Variants in TESPA1 observed in about 807,000 individuals in gnomAD.
TESPA1 encodes the protein thymocyte expressed, positive selection associated 1.
Under a neutral mutation model 57.9 loss-of-function variants are expected in TESPA1, and 33 were observed. The observed-to-expected ratio is 0.57, with a 90% CI of 0.43 to 0.76. The LOEUF (loss-of-function observed/expected upper bound fraction) is 0.76. TESPA1 is among the 30% of genes least tolerant of loss of function. The pLI, the probability that TESPA1 is intolerant of heterozygous loss-of-function variation, is 0.00. For synonymous variants in TESPA1, 227 were observed against 228.9 expected (o/e 0.99, Z 0.07); for missense variants, 618 against 632.9 (o/e 0.98, Z 0.25).
At chr12:54,969,198 A>G (rs1951668035) in intron 3 of TESPA1, among the ~76,000 whole-genome samples, 1 of 151,474 alleles carries the variant, frequency 6.6e-6, no homozygotes, top group Non-Finnish European at 1.5e-5. Flanking sequence ...ATGAAATAAT[A>G]GGCAAGCTCA....
At chr12:54,965,331 A>G (rs1265538870) in intron 7 of TESPA1, among the ~76,000 whole-genome samples, 3 of 152,040 alleles carry the variant, frequency 2.0e-5, no homozygotes, top group Non-Finnish European at 4.4e-5. Context: ...ATTTTTCCCA[A>G]TGGTCTCCCT....
At chr12:54,970,449 CTCT>C (rs1565862477) in intron 3 of TESPA1, among the ~76,000 whole-genome samples, 1 of 152,154 alleles carries the variant, frequency 6.6e-6, no homozygotes, top group Non-Finnish European at 1.5e-5. Context: ...TCCTACATTT[CTCT>C]TCTTTAGTTA....
intron 3 of TESPA1, among the ~76,000 whole-genome samples, chr12:54,969,517 A>G (rs1951687881): frequency 6.6e-6 from 1 of 152,162 alleles, no homozygotes; most frequent in Admixed American, 6.5e-5. Flanking sequence ...ACATGCCTGC[A>G]TAGGTTCCCC....
intron 3 of TESPA1, among the ~76,000 whole-genome samples, chr12:54,971,662 T>G (rs2136173105): frequency 6.6e-6 from 1 of 152,210 alleles, no homozygotes; most frequent in East Asian, 1.9e-4. Flanking sequence ...CACTCTATTT[T>G]CACACATGTA....
chr12:54,981,800 T>G (rs1036604690), intron 1 of TESPA1: 3 of 152,224 alleles, frequency 2.0e-5, no homozygotes, highest in African/African-American at 7.2e-5. Flanking sequence ...ATGCATGCTT[T>G]CTTCCTTTAT....
At chr12:54,982,986 C>A (rs1483960607) in intron 1 of TESPA1, among the ~76,000 whole-genome samples, 1 of 152,142 alleles carries the variant, frequency 6.6e-6, no homozygotes, top group Admixed American at 6.5e-5. Flanking sequence ...ACTGGAATAT[C>A]CACTTTGGTC....
intron 10 of TESPA1, among the ~76,000 whole-genome samples, chr12:54,953,877 A>T (rs1340584750): frequency 1.3e-5 from 2 of 152,176 alleles, no homozygotes; most frequent in Non-Finnish European, 2.9e-5. Context: ...CCATCTTCTG[A>T]AAGGTTAATT....
chr12:54,983,501 A>G (rs967262135), intron 1 of TESPA1, among the ~76,000 whole-genome samples: 3 of 152,106 alleles, frequency 2.0e-5, no homozygotes, highest in African/African-American at 7.2e-5. Flanking sequence ...ACACAAGTTG[A>G]AGGTTCCTAC....
chr12:54,952,348 C>T (rs1950455230), intron 10 of TESPA1, among the ~76,000 whole-genome samples: 1 of 152,212 alleles, frequency 6.6e-6, no homozygotes, highest in South Asian at 2.1e-4. Context: ...CCAATGAAGA[C>T]ATGAACCTCT....
intron 1 of TESPA1, among the ~76,000 whole-genome samples, chr12:54,978,173 G>C (rs1467928730): frequency 2.0e-5 from 3 of 152,148 alleles, no homozygotes; most frequent in Non-Finnish European, 2.9e-5. Flanking sequence ...TAGAGACAAA[G>C]ATATGGAGAT....
chr12:54,972,742 T>C (rs1398965572), intron 3 of TESPA1, among the ~76,000 whole-genome samples: 2 of 152,232 alleles, frequency 1.3e-5, no homozygotes, highest in East Asian at 1.9e-4. Flanking sequence ...TAAGCAAGAA[T>C]GGGTTTCTTT....
At chr12:54,957,240 T>C (rs538118451) in intron 10 of TESPA1, among the ~76,000 whole-genome samples, 34 of 152,324 alleles carry the variant, frequency 2.2e-4, no homozygotes, top group African/African-American at 8.2e-4. Flanking sequence ...ATGCATGGGC[T>C]GCACAACGCT....
upstream of TESPA1, among the ~76,000 whole-genome samples, chr12:54,985,057 A>T (rs915570455): frequency 2.3e-4 from 35 of 152,258 alleles, no homozygotes; most frequent in African/African-American, 8.2e-4. Context: ...TCCTCAGGAG[A>T]GCTGTCTGAA....
In TESPA1 at chr12:54,949,251, C is replaced by T. The variant is rs1029014601; in HGVS notation, c.*1141G>A. The T allele has an allele frequency of 2.0e-5, 3 of 152,152 alleles. No individual in the cohort carries two copies. Among genetic ancestry groups the T allele is most frequent in the Non-Finnish European group, 2.9e-5 (2 of 68,020 alleles). 9.4% of individuals were successfully genotyped at this position (152,152 alleles called of 1,614,324 possible). On this transcript the variant is annotated 3_prime_UTR_variant, in exon 11 of 11. Transcript: ENST00000449076. ...CACTACGTATCAGACTCAGTTTGTG[C>T]CTTCTCCCCTAATGCTGGCAATAGC...
At chr12:54,960,308 G>A (rs1229067811) in intron 10 of TESPA1, among the ~76,000 whole-genome samples, 1 of 152,178 alleles carries the variant, frequency 6.6e-6, no homozygotes, top group Non-Finnish European at 1.5e-5. Flanking sequence ...AAAGGTATAA[G>A]AGATATCTCT....
chr12:54,949,191 A>C lies in TESPA1; in HGVS notation c.*1201T>G, dbSNP rs1469530883. 1.3e-5 allele frequency: 2 copies of C among 152,188 alleles called. No individual in the cohort carries two copies. The highest frequency in any genetic ancestry group is 4.8e-5 in the African/African-American group (2 of 41,442). The allele number at this position is 152,188 out of a possible 1,614,324, so 9.4% of individuals were successfully genotyped here. A position where few individuals can be genotyped will look rare whatever the true frequency, so the allele number is the denominator to read the frequency against. On this transcript the variant is annotated 3_prime_UTR_variant, in exon 11 of 11. Transcript: ENST00000449076. ...GGAATTAGTAAACACAGATGGTTTA[A>C]AAATTTTTCCACCCTAGCCCTTTTG...
At chr12:54,983,743 G>A (rs1428638382) in intron 1 of TESPA1, among the ~76,000 whole-genome samples, 1 of 152,136 alleles carries the variant, frequency 6.6e-6, no homozygotes, top group Non-Finnish European at 1.5e-5. Context: ...GCACAGAAGG[G>A]GCATGGGAAA....
At chr12:54,980,746 C>T (rs1952285590) in intron 1 of TESPA1, among the ~76,000 whole-genome samples, 1 of 152,154 alleles carries the variant, frequency 6.6e-6, no homozygotes, top group Non-Finnish European at 1.5e-5. Flanking sequence ...AGATACTTCA[C>T]CATGGGGCAA....
rs1373402310 is a variant in TESPA1 at position 54,949,303 on chromosome 12, T to A, written c.*1089A>T. The A allele has an allele frequency of 1.3e-5, 2 of 152,082 alleles. No homozygotes were observed. Among genetic ancestry groups the A allele is most frequent in the African/African-American group, 2.4e-5 (1 of 41,408 alleles). The allele number at this position is 152,082 out of a possible 1,614,324, so 9.4% of individuals were successfully genotyped here. On this transcript the variant is annotated 3_prime_UTR_variant, in exon 11 of 11. Transcript: ENST00000449076. ...CCAGAACAAAATCAACTTCTGCTTA[T>A]CATGTCTGGTGTAATTTTTTCCTTT...
Sources: gnomAD v4.1 joint callset for allele counts (sites outside exome capture counted in the v4.1 genomes callset) on GRCh38, gnomAD v4.1.1 for gene constraint, MANE v1.5 for transcripts, NCBI Gene and HGNC (gene_info 2026-07-23, HGNC 2026-07-21) for gene names.